TMPRSS11F: variants seen among roughly 807,000 people sequenced by gnomAD.
TMPRSS11F encodes transmembrane protease serine 11F.
TMPRSS11F carries 47 observed loss-of-function variants against 60.2 expected under a neutral mutation model. The ratio of observed to expected loss-of-function variants is 0.78; its 90% confidence interval spans 0.62 to 1.00. The LOEUF is 1.00. TMPRSS11F is among the 50% of genes least tolerant of loss of function. TMPRSS11F has a pLI of 0.00. For missense variants in TMPRSS11F, 519 were observed against 522.9 expected, an observed-to-expected ratio of 0.99 and a Z score of 0.07; for synonymous variants, 166 against 167.3, an observed-to-expected ratio of 0.99 and a Z score of 0.06.
intron 1 of TMPRSS11F, among the ~76,000 whole-genome samples, chr4:68,113,414 TAA>T (rs35420726): frequency 6.8e-6 from 1 of 146,340 alleles, no homozygotes; most frequent in Admixed American, 6.8e-5. Flanking sequence ...ATGAAAAATG[TAA>T]AAAAAAAAAA....
At chr4:68,083,267 T>C (rs535484533) in intron 3 of TMPRSS11F, among the ~76,000 whole-genome samples, 45 of 152,252 alleles carry the variant, frequency 3.0e-4, no homozygotes, top group African/African-American at 1.1e-3. Context: ...GCAGAAAGCC[T>C]ACCTGGGCAC....
At position 68,068,766 on chromosome 4, in the gene TMPRSS11F, T is replaced by A; in HGVS notation, c.607A>T (p.Thr203Ser). Residue 203 changes from threonine (T) to serine (S), a missense_variant, in exon 7 of 10, where the codon ACT (threonine) becomes TCT (serine). Thr to Ser is a moderately conservative substitution (Grantham distance 58). Transcript: ENST00000356291. ...TCCCTTCCTTGGACAATTCTTTGAGTAGAAGAGGATGCTGGTAATGGCATG... is the reference window on the plus strand; with the variant it reads ...TCCCTTCCTTGGACAATTCTTTGAGAAGAAGAGGATGCTGGTAATGGCATG... ...SNMPLPASSSTQRIVQGRETA... is the reference protein window; with the variant it reads ...SNMPLPASSSSQRIVQGRETA... 1 of 1,614,174 alleles carries A rather than the reference T, an allele frequency of 6.2e-7. No individual in the cohort carries two copies. Among genetic ancestry groups the A allele is most frequent in the Non-Finnish European group, 8.5e-7 (1 of 1,180,022 alleles).
chr4:68,080,524 C>T (rs1269354454), intron 3 of TMPRSS11F: 1 of 152,234 alleles, frequency 6.6e-6, no homozygotes, highest in Admixed American at 6.5e-5. Context: ...TTAGTAATGT[C>T]TGGTAGGCTA....
intron 1 of TMPRSS11F, among the ~76,000 whole-genome samples, chr4:68,124,113 C>A (rs1577939361): frequency 6.6e-6 from 1 of 151,458 alleles, no homozygotes; most frequent in Admixed American, 6.6e-5. Context: ...CCCAGCTACT[C>A]GGGAGTCTAA....
chr4:68,075,750 T>A (rs1463387486), intron 3 of TMPRSS11F, among the ~76,000 whole-genome samples: 1 of 152,156 alleles, frequency 6.6e-6, no homozygotes, highest in African/African-American at 2.4e-5. Context: ...ATCCCAGCAC[T>A]CTGGGAGGCC....
rs555435399 is a variant in TMPRSS11F at position 68,061,085 on chromosome 4, A to T, written c.1016-1617T>A. On this transcript the variant is annotated intron_variant, in intron 8 of 9. Transcript: ENST00000356291. The stretch of plus-strand genomic sequence containing the variant: ...ACTCTATTTAATAAAGTATATGCAT[A>T]AAATGATACATTAGGTAAGAAGCAA... 1.7e-3 allele frequency among the ~76,000 whole-genome samples: 252 copies of T among 152,214 alleles called. 1 individual carries two copies. Among genetic ancestry groups the T allele is most frequent in the African/African-American group, 5.9e-3 (245 of 41,574 alleles).
chr4:68,059,222 T>C, intron 9 of TMPRSS11F, 104 bp downstream of exon 9: 1 of 1,195,528 alleles, frequency 8.4e-7, no homozygotes, highest in South Asian at 1.5e-5. Context: ...GTTCTCGGTG[T>C]AAGAGATGCC....
rs111269319 is a variant in TMPRSS11F at position 68,124,972 on chromosome 4, A to G, written c.11+4838T>C. On this transcript the variant is annotated intron_variant, in intron 1 of 9. Coordinates refer to ENST00000356291, the MANE Select transcript of TMPRSS11F (RefSeq NM_207407.2). ...TTTTTTTTTTTTTTTTTTTTTACAT[A>G]GTACAAAAGACTTTTCAATCCTTGA... 2.9e-3 allele frequency among the ~76,000 whole-genome samples: 188 copies of G among 65,740 alleles called. 4 individuals are homozygous for G. Among genetic ancestry groups the G allele is most frequent in the African/African-American group, 9.3e-3 (184 of 19,698 alleles). 43.1% of individuals were successfully genotyped at this position (65,740 alleles called of 152,430 possible). A position where few individuals can be genotyped will look rare whatever the true frequency, so the allele number is the denominator to read the frequency against.
chr4:68,099,007 G>A lies in TMPRSS11F; in HGVS notation c.43C>T (p.Arg15Ter), dbSNP rs1724135418. Residue 15 changes from arginine (R) to a stop codon, truncating the protein, a stop_gained, in exon 2 of 10, where the codon CGA becomes TGA. Coordinates refer to ENST00000356291, the MANE Select transcript of TMPRSS11F (RefSeq NM_207407.2). LOFTEE classifies it high-confidence loss of function. The part of the protein sequence containing the change: ...PVEFSEAEFS[R>*]AEYQRKQQFW... ...TGCTGCTTTCTTTGATATTCAGCTC[G>A]TGAGAATTCAGCTTCTGAAAATTCA... 1.9e-6 allele frequency: 3 copies of A among 1,612,320 alleles called. No homozygotes were observed. The highest frequency in any genetic ancestry group is 1.1e-5 in the South Asian group (1 of 90,960).
chr4:68,066,751 C>T (rs1026158435), intron 7 of TMPRSS11F, among the ~76,000 whole-genome samples: 151 of 151,742 alleles, frequency 1.0e-3, no homozygotes, highest in Non-Finnish European at 6.5e-4. Context: ...CTGGTTAACA[C>T]GGTGAAACCC....
At chr4:68,104,076 T>C (rs1724250801) in intron 1 of TMPRSS11F, among the ~76,000 whole-genome samples, 1 of 152,208 alleles carries the variant, frequency 6.6e-6, no homozygotes. Context: ...TTTATACATT[T>C]AAGATCATGT....
At chr4:68,112,182 T>TTGACGTTTCAAGTTCAG (rs1367507647) in intron 1 of TMPRSS11F, among the ~76,000 whole-genome samples, 1 of 152,216 alleles carries the variant, frequency 6.6e-6, no homozygotes, top group Admixed American at 6.5e-5. Flanking sequence ...ATTATTTTCA[T>TTGACGTTTCAAGTTCAG]TGACGTTTCA....
At chr4:68,103,583 A>G (rs578234180) in intron 1 of TMPRSS11F, among the ~76,000 whole-genome samples, 1 of 152,294 alleles carries the variant, frequency 6.6e-6, no homozygotes, top group Non-Finnish European at 1.5e-5. Context: ...ACAATTTTAA[A>G]TCAGAAAGTG....
chr4:68,109,520 A>C (rs1172474140), intron 1 of TMPRSS11F, among the ~76,000 whole-genome samples: 1 of 152,218 alleles, frequency 6.6e-6, no homozygotes, highest in Non-Finnish European at 1.5e-5. Flanking sequence ...TCTTTCATTC[A>C]GAATTTAATG....
chr4:68,090,190 C>A (rs553638264), intron 3 of TMPRSS11F, among the ~76,000 whole-genome samples: 4 of 151,966 alleles, frequency 2.6e-5, no homozygotes, highest in Admixed American at 2.0e-4. Flanking sequence ...CTGATTGTGG[C>A]AACTCTATAT....
chr4:68,112,766 G>GA (rs1265312018), intron 1 of TMPRSS11F, among the ~76,000 whole-genome samples: 1 of 152,002 alleles, frequency 6.6e-6, no homozygotes, highest in Non-Finnish European at 1.5e-5. Context: ...AAACATTATT[G>GA]AGTATGTAGA....
Position 68,116,876 on chromosome 4 carries a change from A to G in TMPRSS11F, c.11+12934T>C, listed in dbSNP as rs55869645. Among the ~76,000 whole-genome samples the G allele has an allele frequency of 9.0e-3, 1,367 of 152,262 alleles. 27 individuals carry two copies. Among genetic ancestry groups the G allele is most frequent in the African/African-American group, 0.031 (1,298 of 41,540 alleles). On this transcript the variant is annotated intron_variant, in intron 1 of 9. Transcript: ENST00000356291. ...TTGAAAATTTAAATATAAAACTGAAACATTAAAACTCTTAGAAGAAAACAT... is the reference window on the plus strand; with the variant it reads ...TTGAAAATTTAAATATAAAACTGAAGCATTAAAACTCTTAGAAGAAAACAT...
rs527567382 is a variant in TMPRSS11F, at chr4:68,128,623, A to G, written c.11+1187T>C. 1.2e-4 allele frequency among the ~76,000 whole-genome samples: 18 copies of G among 152,250 alleles called. No homozygotes were observed. The South Asian group carries it at 3.7e-3, about 32-fold the overall frequency. ...CTGAAGAATTCTGAAATAAATTAGA[A>G]TAAGAGAACTCCAAATTTTTCTAAT... On this transcript the variant is annotated intron_variant, in intron 1 of 9. Coordinates refer to ENST00000356291, the MANE Select transcript of TMPRSS11F (RefSeq NM_207407.2).
chr4:68,063,100 C>T (rs891160692), intron 8 of TMPRSS11F: 8 of 639,730 alleles, frequency 1.3e-5, no homozygotes, highest in Admixed American at 9.1e-5. Flanking sequence ...TCTGGAAGCC[C>T]TCCAACATTT....
Sources: gnomAD v4.1 joint callset for allele counts (sites outside exome capture counted in the v4.1 genomes callset) on GRCh38, gnomAD v4.1.1 for gene constraint, MANE v1.5 for transcripts, NCBI Gene and HGNC (gene_info 2026-07-23, HGNC 2026-07-21) for gene names.